Variants in CTNNA3 observed in about 807,000 individuals in gnomAD.
The protein encoded by CTNNA3 is catenin alpha 3.
Under a neutral mutation model 95.7 loss-of-function variants are expected in CTNNA3, and 76 were observed. The ratio of observed to expected loss-of-function variants is 0.79; its 90% CI spans 0.66 to 0.96. The LOEUF is 0.96. Among genes scored for constraint, CTNNA3 ranks in the 40% least tolerant of loss-of-function variants. CTNNA3 has a pLI of 0.00. For missense variants in CTNNA3, 1,191 were observed against 1,089.8 expected (o/e 1.09, Z -1.31); for synonymous variants, 431 against 374.4 (o/e 1.15, Z -1.74).
intron 11 of CTNNA3, among the ~76,000 whole-genome samples, chr10:66,385,844 A>G (rs904287313): frequency 6.6e-6 from 1 of 152,202 alleles, no homozygotes; most frequent in African/African-American, 2.4e-5. Context: ...CAAAAAACAC[A>G]TGATTATCTC....
intron 7 of CTNNA3, among the ~76,000 whole-genome samples, chr10:67,127,071 A>T (rs10822978): frequency 0.21 from 31,819 of 152,088 alleles, 3,969 homozygotes; most frequent in African/African-American, 0.35. Context: ...ACTCATTTCT[A>T]TGTATTTCTT....
chr10:67,392,670 T>C (rs148377199), intron 5 of CTNNA3, among the ~76,000 whole-genome samples: 10,196 of 152,134 alleles, frequency 0.067, 466 homozygotes, highest in African/African-American at 0.13. Flanking sequence ...TGTCCATCAA[T>C]GATAGACTGG....
chr10:67,458,543 C>A (rs1847254901), intron 5 of CTNNA3, among the ~76,000 whole-genome samples: 1 of 151,954 alleles, frequency 6.6e-6, no homozygotes, highest in African/African-American at 2.4e-5. Flanking sequence ...AAGATTCTAA[C>A]AGTGATGAAT....
chr10:67,417,009 G>T (rs1429649001), intron 5 of CTNNA3, among the ~76,000 whole-genome samples: 2 of 152,112 alleles, frequency 1.3e-5, no homozygotes, highest in African/African-American at 4.8e-5. Flanking sequence ...ATTCATCACT[G>T]TGCTAGTCAC....
At chr10:66,933,311 C>T (rs1847513993) in intron 7 of CTNNA3, among the ~76,000 whole-genome samples, 1 of 152,196 alleles carries the variant, frequency 6.6e-6, no homozygotes, top group South Asian at 2.1e-4. Context: ...CTGATTATCA[C>T]AATGTACAAC....
chr10:66,336,153 G>A (rs555636159), intron 12 of CTNNA3, among the ~76,000 whole-genome samples: 2 of 152,036 alleles, frequency 1.3e-5, no homozygotes, highest in African/African-American at 2.4e-5. Context: ...ACTAGGAAAC[G>A]GAATTCCCTG....
intron 1 of CTNNA3, among the ~76,000 whole-genome samples, chr10:67,665,876 AT>A (rs1237233500): frequency 1.3e-5 from 2 of 152,246 alleles, no homozygotes; most frequent in East Asian, 3.8e-4. Context: ...TTGCATGGTC[AT>A]TATGTACCCA....
chr10:67,128,597 C>CTT (rs1859840547), intron 7 of CTNNA3, among the ~76,000 whole-genome samples: 1 of 152,072 alleles, frequency 6.6e-6, no homozygotes. Flanking sequence ...AGCTTTACCC[C>CTT]TTTGACAAGA....
chr10:66,817,292 A>C (rs1373599668), intron 7 of CTNNA3, among the ~76,000 whole-genome samples: 1 of 147,028 alleles, frequency 6.8e-6, no homozygotes, highest in Non-Finnish European at 1.5e-5. Context: ...CTAAACCCAA[A>C]TCAAGAAAAT....
At chr10:66,091,873 C>G (rs2081226567) in intron 14 of CTNNA3, among the ~76,000 whole-genome samples, 1 of 151,878 alleles carries the variant, frequency 6.6e-6, no homozygotes, top group South Asian at 2.1e-4. Flanking sequence ...TAAAACTTCA[C>G]TGTAAGTTTA....
chr10:65,953,164 G>A (rs1394346824), intron 17 of CTNNA3, among the ~76,000 whole-genome samples: 12 of 152,124 alleles, frequency 7.9e-5, no homozygotes, highest in Admixed American at 7.9e-4. Flanking sequence ...TTTCCCACTA[G>A]GCGTGGTGTA....
chr10:67,170,116 A>G (rs540970871), intron 7 of CTNNA3, among the ~76,000 whole-genome samples: 85 of 152,322 alleles, frequency 5.6e-4, no homozygotes, highest in African/African-American at 2.0e-3. Flanking sequence ...AAAGTCAAAA[A>G]ATAACAGATG....
chr10:65,963,967 A>G lies in CTNNA3; in HGVS notation c.2400+2645T>C, dbSNP rs142295901. 1.5e-3 allele frequency among the ~76,000 whole-genome samples: 235 copies of G among 152,302 alleles called. 1 individual carries two copies. Among genetic ancestry groups the G allele is most frequent in the African/African-American group, 5.1e-3 (214 of 41,568 alleles). On this transcript the variant is annotated intron_variant, in intron 17 of 17. Coordinates refer to ENST00000433211, the MANE Select transcript of CTNNA3 (RefSeq NM_013266.4). ...TTCACTTTAGAAATGCATTCCGTTC[A>G]CACCTACTTATTTTTAACCCACTAT...
At chr10:67,455,206 A>C (rs1564661491) in intron 5 of CTNNA3, among the ~76,000 whole-genome samples, 1 of 152,166 alleles carries the variant, frequency 6.6e-6, no homozygotes, top group Non-Finnish European at 1.5e-5. Flanking sequence ...ATGTCTTCCA[A>C]GTGATGGCAT....
intron 11 of CTNNA3, among the ~76,000 whole-genome samples, chr10:66,487,448 G>A (rs1839777966): frequency 6.6e-6 from 1 of 151,750 alleles, no homozygotes; most frequent in South Asian, 2.1e-4. Context: ...TGATCCGCCC[G>A]TCTCGGCTTC....
At chr10:67,364,649 T>C (rs879388374) in intron 5 of CTNNA3, among the ~76,000 whole-genome samples, 7 of 152,052 alleles carry the variant, frequency 4.6e-5, no homozygotes, top group Non-Finnish European at 8.8e-5. Flanking sequence ...GAATAAAATC[T>C]AGGAATCCAA....
At chr10:67,490,213 C>T (rs911235262) in intron 5 of CTNNA3, among the ~76,000 whole-genome samples, 8 of 152,204 alleles carry the variant, frequency 5.3e-5, no homozygotes, top group African/African-American at 1.9e-4. Context: ...TGTAGCCAAA[C>T]AGAAATGTCA....
chr10:66,674,597 C>T (rs1270729779), intron 9 of CTNNA3, among the ~76,000 whole-genome samples: 2 of 151,906 alleles, frequency 1.3e-5, no homozygotes, highest in Non-Finnish European at 2.9e-5. Context: ...TCCCAAATAT[C>T]AATGAGGACA....
At chr10:66,701,681 A>G (rs1479186833) in intron 9 of CTNNA3, among the ~76,000 whole-genome samples, 4 of 152,198 alleles carry the variant, frequency 2.6e-5, no homozygotes, top group Non-Finnish European at 5.9e-5. Context: ...TGATGTTTGT[A>G]TACGGATCTT....
Sources: gnomAD v4.1 joint callset for allele counts (sites outside exome capture counted in the v4.1 genomes callset) on GRCh38, gnomAD v4.1.1 for gene constraint, MANE v1.5 for transcripts, NCBI Gene and HGNC (gene_info 2026-07-23, HGNC 2026-07-21) for gene names.